Variants in TASOR2 observed in about 807,000 individuals in gnomAD.
The protein encoded by TASOR2 is transcription activation suppressor family member 2.
Under a neutral mutation model 199.5 loss-of-function variants are expected in TASOR2, and 84 were observed. The ratio of observed to expected loss-of-function variants is 0.42; its 90% CI spans 0.35 to 0.50. The LOEUF (loss-of-function observed/expected upper bound fraction) is 0.50, where lower values mean the gene tolerates loss of function less well. Among genes scored for constraint, TASOR2 ranks in the 20% least tolerant of loss-of-function variants. TASOR2 has a pLI of 0.02. For missense variants in TASOR2, 2,796 were observed against 2,835.9 expected, an observed-to-expected ratio of 0.99 and a Z score of 0.32; for synonymous variants, 1,103 against 1,046.6, an observed-to-expected ratio of 1.05 and a Z score of -1.04.
chr10:5,702,398 G>A (rs946164760), intron 1 of TASOR2, among the ~76,000 whole-genome samples: 1 of 151,988 alleles, frequency 6.6e-6, no homozygotes, highest in African/African-American at 2.4e-5. Flanking sequence ...CTGTGATATT[G>A]GCCTGTAGTT....
chr10:5,732,257 A>G (rs1834922710), intron 11 of TASOR2, among the ~76,000 whole-genome samples: 1 of 152,228 alleles, frequency 6.6e-6, no homozygotes, highest in African/African-American at 2.4e-5. Context: ...AGGGAAGTAT[A>G]TGGGTGACTC....
chr10:5,724,155 G>A (rs1833729610), intron 7 of TASOR2, among the ~76,000 whole-genome samples: 1 of 148,324 alleles, frequency 6.7e-6, no homozygotes, highest in Non-Finnish European at 1.5e-5. Flanking sequence ...TGGTCATTTA[G>A]GTTAATTCAT....
chr10:5,700,600 T>C (rs546511543), intron 1 of TASOR2, among the ~76,000 whole-genome samples: 1 of 152,192 alleles, frequency 6.6e-6, no homozygotes, highest in Non-Finnish European at 1.5e-5. Flanking sequence ...CATTCATTAT[T>C]GCTTGTCCTT....
intron 1 of TASOR2, among the ~76,000 whole-genome samples, chr10:5,693,126 C>T (rs1055717147): frequency 2.6e-5 from 4 of 152,184 alleles, no homozygotes; most frequent in Non-Finnish European, 4.4e-5. Flanking sequence ...GTCAGTGAGG[C>T]CCCGCAGCAG....
intron 1 of TASOR2, among the ~76,000 whole-genome samples, chr10:5,700,328 A>G (rs1004136279): frequency 1.3e-5 from 2 of 151,930 alleles, no homozygotes; most frequent in Non-Finnish European, 2.9e-5. Context: ...TTCTTTATTC[A>G]TCTGTTGATG....
rs536517963 is a variant in TASOR2, at chr10:5,734,457, CT to C, written c.1205-845del. Among the ~76,000 whole-genome samples, 350 of 152,298 alleles carry C rather than the reference CT, an allele frequency of 2.3e-3. 3 individuals are homozygous for C. Among genetic ancestry groups the C allele is most frequent in the African/African-American group, 8.2e-3 (339 of 41,552 alleles). The stretch of plus-strand genomic sequence containing the variant: ...AAACCAGGTGCACACTTTCCTCAGG[CT>C]TCCCATCTTTTAAAAGATTGTTTTT... On this transcript the variant is annotated intron_variant, in intron 11 of 20. Transcript: ENST00000328090.
At chr10:5,736,557 G>T (rs867748609) in intron 12 of TASOR2, among the ~76,000 whole-genome samples, 13 of 152,158 alleles carry the variant, frequency 8.5e-5, no homozygotes, top group South Asian at 2.1e-4. Flanking sequence ...GCCTGGCTGA[G>T]AATCCTGTAT....
rs1317162268 is a variant in TASOR2, at chr10:5,754,423, CTT to C, written c.6607-2189_6607-2188del. On this transcript the variant is annotated intron_variant, in intron 15 of 20. Transcript: ENST00000328090. This position sits in a 1 kb window ranked among gnomAD's most constrained non-coding sequence, Gnocchi z 4.3. ...TTTTTAATTGAGATGAAGTTTTGCT[CTT>C]GTCGCCCAGGCTGGAGTGCAGTGGC... 7.9e-5 allele frequency among the ~76,000 whole-genome samples: 12 copies of C among 151,272 alleles called. No individual in the cohort carries two copies. The highest frequency in any genetic ancestry group is 1.3e-4 in the Non-Finnish European group (9 of 67,846).
rs1389456410 is a variant in TASOR2 at position 5,750,219 on chromosome 10, G to A, written c.6606+192G>A. Among the ~76,000 whole-genome samples, 2 of 152,154 alleles carry A rather than the reference G, an allele frequency of 1.3e-5. No homozygotes were observed. Among genetic ancestry groups the A allele is most frequent in the Non-Finnish European group, 2.9e-5 (2 of 68,042 alleles). On this transcript the variant is annotated intron_variant, in intron 15 of 20. Coordinates refer to ENST00000328090, the Ensembl canonical transcript of TASOR2. The surrounding 1 kb of genome is among the most constrained non-coding windows in gnomAD (Gnocchi z 5.4). ...CCATTTGTACTATATTTGAAAATTA[G>A]TATTATGTTCCAGAATTAGGGCAAT...
chr10:5,723,850 C>T, intron 7 of TASOR2, 73 bp downstream of exon 8: 1 of 890,598 alleles, frequency 1.1e-6, no homozygotes, highest in South Asian at 1.9e-5. Context: ...CTTCCAAACA[C>T]TCACACATGC....
exon 15 of TASOR2, chr10:5,747,808 G>C (rs1219364040): frequency 6.2e-7 from 1 of 1,613,824 alleles, no homozygotes; most frequent in Non-Finnish European, 8.5e-7. Flanking sequence ...CCATCCAGTG[G>C]GGCAAGATAA....
At chr10:5,702,653 TTTTTTTTTG>T (rs956790851) in intron 1 of TASOR2, among the ~76,000 whole-genome samples, 1 of 141,842 alleles carries the variant, frequency 7.1e-6, no homozygotes, top group African/African-American at 2.8e-5. Flanking sequence ...TTTTTTTTTT[TTTTTTTTTG>T]GTAAGTAAGG....
In TASOR2 at chr10:5,700,866, A is replaced by G. The variant is rs563891996; in HGVS notation, c.-287-11957A>G. On this transcript the variant is annotated intron_variant, in intron 1 of 20. Transcript: ENST00000328090. ...TGCTGTTGAGTTGTTTGAGCTCCTT[A>G]TATATTCTGGTTGTTAATCTTTTGG... Among the ~76,000 whole-genome samples, 4 of 151,314 alleles carry G rather than the reference A, an allele frequency of 2.6e-5. No individual in the cohort carries two copies. The South Asian group carries it at 8.3e-4, about 31-fold the overall frequency.
In TASOR2 at chr10:5,749,882, G is replaced by A. The variant is rs374618488; in HGVS notation, c.6461G>A (p.Arg2154Gln). ...GAGATGTATCTGCCTTTCCCAGGAC[G>A]GTCAGCCTCCTATGAAGACATAATC... Residue 2154 changes from arginine (R) to glutamine (Q), a missense_variant, in exon 15 of 21, where the codon CGG (arginine) becomes CAG (glutamine). Physicochemically the swap from Arg to Gln is conservative, Grantham distance 43. Transcript: ENST00000328090. 3.7e-6 allele frequency: 6 copies of A among 1,614,036 alleles called. No homozygotes were observed. Among genetic ancestry groups the A allele is most frequent in the Non-Finnish European group, 4.2e-6 (5 of 1,180,042 alleles).
In TASOR2 at chr10:5,701,757, G is replaced by T. The variant is rs1363632550; in HGVS notation, c.-287-11066G>T. ...GATTGCTTTCTTGATTTCTTTTTCA[G>T]ATTGCTTGCAGTTGGTGTATACCAA... On this transcript the variant is annotated intron_variant, in intron 1 of 20. Coordinates refer to ENST00000328090, the Ensembl canonical transcript of TASOR2. This position sits in a 1 kb window ranked among gnomAD's most constrained non-coding sequence, Gnocchi z 4.9. 4.6e-5 allele frequency among the ~76,000 whole-genome samples: 7 copies of T among 152,076 alleles called. No homozygotes were observed. In the South Asian group the frequency reaches 1.5e-3, roughly 32 times the overall value.
chr10:5,732,594 G>T (rs1834978698), intron 11 of TASOR2, among the ~76,000 whole-genome samples: 1 of 152,202 alleles, frequency 6.6e-6, no homozygotes, highest in South Asian at 2.1e-4. Context: ...GGATCTCTCT[G>T]TCAGCCAGGC....
intron 1 of TASOR2, among the ~76,000 whole-genome samples, chr10:5,694,223 GT>G (rs1403183635): frequency 2.0e-5 from 3 of 152,196 alleles, no homozygotes; most frequent in Non-Finnish European, 2.9e-5. Flanking sequence ...GCAAGATGAG[GT>G]ATAGGAAATT....
At chr10:5,715,463 T>A (rs919356426) in intron 2 of TASOR2, among the ~76,000 whole-genome samples, 8 of 152,200 alleles carry the variant, frequency 5.3e-5, no homozygotes, top group African/African-American at 1.9e-4. Context: ...TCTAGACATT[T>A]CATATAAGTG....
intron 1 of TASOR2, among the ~76,000 whole-genome samples, chr10:5,700,893 G>A (rs564394200): frequency 4.5e-4 from 68 of 151,722 alleles, no homozygotes; most frequent in African/African-American, 1.6e-3. Context: ...ATCTTTTGGC[G>A]GGTGAGTAGT....
Sources: gnomAD v4.1 joint callset for allele counts (sites outside exome capture counted in the v4.1 genomes callset) on GRCh38, gnomAD v4.1.1 for gene constraint, Gnocchi (gnomAD v3.1) non-coding constraint, MANE v1.5 for transcripts, NCBI Gene and HGNC (gene_info 2026-07-23, HGNC 2026-07-21) for gene names.